Variants in KRT82 observed in about 807,000 individuals in gnomAD.
KRT82 encodes keratin 82, also known as keratin, type II cuticular Hb2.
KRT82 carries 44 observed loss-of-function variants against 48.0 expected under a neutral mutation model. The observed-to-expected ratio is 0.92, with a 90% confidence interval of 0.72 to 1.18. KRT82 has a LOEUF of 1.18. KRT82 is among the 50% of genes most tolerant of loss of function. The pLI, the probability that KRT82 is intolerant of heterozygous loss-of-function variation, is 0.00. For missense variants in KRT82, 701 were observed against 671.4 expected, an observed-to-expected ratio of 1.04 and a Z score of -0.49; for synonymous variants, 297 against 278.3, an observed-to-expected ratio of 1.07 and a Z score of -0.67.
At chr12:52,397,664 A>G (rs577466910) in intron 5 of KRT82, among the ~76,000 whole-genome samples, 1 of 152,354 alleles carries the variant, frequency 6.6e-6, no homozygotes, top group Admixed American at 6.5e-5. Context: ...AGAGATAAGC[A>G]CATAATCACA....
chr12:52,401,449 T>A, intron 2 of KRT82, 100 bp from the exon 3 acceptor site: 1 of 1,182,056 alleles, frequency 8.5e-7, no homozygotes, highest in East Asian at 2.4e-5. Context: ...TGTCACTGAC[T>A]GAATGCCCTG....
chr12:52,405,916 T>C lies in KRT82; in HGVS notation c.362A>G (p.Lys121Arg). The C allele has an allele frequency of 6.2e-7, 1 of 1,614,124 alleles. No individual in the cohort carries two copies. The highest frequency in any genetic ancestry group is 8.5e-7 in the Non-Finnish European group (1 of 1,180,000). The change falls in exon 1 of 9, where the codon AAG (lysine) becomes AGG (arginine). Residue 121 changes from lysine (K) to arginine (R), a missense_variant. By Grantham distance (26) the Lys-to-Arg change is conservative (BLOSUM62 2). Transcript: ENST00000257974. Reference sequence around the variant, plus strand: ...GTTGTTGAGGCACTTGATCTGCTCCTTCTCATCCCTCTTTACCCTCTGCAC... The same window carrying C: ...GTTGTTGAGGCACTTGATCTGCTCCCTCTCATCCCTCTTTACCCTCTGCAC... Reference protein sequence around the residue: ...PTVQRVKRDEKEQIKCLNNRF... With the variant: ...PTVQRVKRDEREQIKCLNNRF...
rs143399825 is a variant in KRT82 at position 52,405,891 on chromosome 12, G to T, written c.387C>A (p.Asn129Lys). 6,968 of 1,613,246 alleles carry T rather than the reference G, an allele frequency of 4.3e-3. 20 individuals carry two copies. Among genetic ancestry groups the T allele is most frequent in the Non-Finnish European group, 5.2e-3 (6,107 of 1,179,368 alleles). Residue 129 changes from asparagine (N) to lysine (K), a missense_variant, in exon 1 of 9, where the codon AAC (asparagine) becomes AAA (lysine). By Grantham distance (94) the Asn-to-Lys change is moderately conservative. Transcript: ENST00000257974. ...CCTTGTTGATGAAAGATGCGAAACG[G>T]TTGTTGAGGCACTTGATCTGCTCCT... is the stretch of plus-strand genomic sequence containing the variant. Reference protein sequence around the residue: ...DEKEQIKCLNNRFASFINKVR... With the variant: ...DEKEQIKCLNKRFASFINKVR...
intron 6 of KRT82, among the ~76,000 whole-genome samples, chr12:52,396,639 G>C (rs1247972587): frequency 6.6e-6 from 1 of 152,180 alleles, no homozygotes; most frequent in African/African-American, 2.4e-5. Context: ...AAGCATCCTT[G>C]CTTCTCATCT....
intron 7 of KRT82, 64 bp downstream of exon 7, chr12:52,395,948 C>T: frequency 6.2e-7 from 1 of 1,600,760 alleles, no homozygotes; most frequent in Non-Finnish European, 8.5e-7. Flanking sequence ...GCAGCCGCCA[C>T]CAGAGGGCTG....
chr12:52,400,703 C>T (rs1272950112), intron 3 of KRT82, 81 bp from the exon 4 acceptor site: 11 of 925,068 alleles, frequency 1.2e-5, no homozygotes, highest in Non-Finnish European at 1.8e-5. Flanking sequence ...GCGTGGGGCT[C>T]ACCTTTCCTC....
Position 52,396,933 on chromosome 12 carries a change from T to G in KRT82, c.1018A>C (p.Asn340His). The G allele has an allele frequency of 6.2e-7, 1 of 1,614,168 alleles. No homozygotes were observed. Among genetic ancestry groups the G allele is most frequent in the South Asian group, 1.1e-5 (1 of 91,072 alleles). ...TGCTGCAGCCGCTGGATCAGTTTAT[T>G]CATTTCCAGGATCTCGTTCTTACGG... The part of the protein sequence containing the change: ...RNRKNEILEM[N>H]KLIQRLQQET... Residue 340 changes from asparagine (N) to histidine (H), a missense_variant, in exon 6 of 9, where the codon AAT becomes CAT. By Grantham distance (68) the Asn-to-His change is moderately conservative. Transcript: ENST00000257974.
At chr12:52,397,208 C>T (rs895407629) in intron 5 of KRT82, among the ~76,000 whole-genome samples, 200 bp from the exon 6 acceptor site, 4 of 152,226 alleles carry the variant, frequency 2.6e-5, no homozygotes, top group African/African-American at 9.6e-5. Context: ...ATTCCCATCT[C>T]ACCCCATCCC....
chr12:52,401,594 G>A (rs559302193), intron 2 of KRT82, among the ~76,000 whole-genome samples: 27 of 152,284 alleles, frequency 1.8e-4, no homozygotes, highest in Non-Finnish European at 3.5e-4. Flanking sequence ...TCCTCCCTGG[G>A]AGATCCTCCT....
chr12:52,405,796 T>A, intron 1 of KRT82, 71 bp downstream of exon 1: 1 of 1,472,166 alleles, frequency 6.8e-7, no homozygotes, highest in Non-Finnish European at 9.1e-7. Flanking sequence ...CTGGTTCCCT[T>A]GGACCAGAAC....
At position 52,400,161 on chromosome 12, in the gene KRT82, G is replaced by A. The variant is rs1212263375; in HGVS notation, c.778-12C>T. The A allele has an allele frequency of 6.2e-7, 1 of 1,608,588 alleles. No homozygotes were observed. The highest frequency in any genetic ancestry group is 1.1e-5 in the South Asian group (1 of 90,652). ...AGCAGGCAGATCTCCTGGGGGCAGG[G>A]CCCATGTGAGAAGGAGTGAGCTCTC... On this transcript the variant is annotated splice_polypyrimidine_tract_variant and intron_variant, in intron 4 of 8. Coordinates refer to ENST00000257974, the MANE Select transcript of KRT82 (RefSeq NM_033033.4).
intron 2 of KRT82, 49 bp downstream of exon 2, chr12:52,403,652 T>C: frequency 2.6e-6 from 3 of 1,172,812 alleles, no homozygotes; most frequent in Non-Finnish European, 2.5e-6. Context: ...AGACTGTTTC[T>C]GTCCCTTGCC....
chr12:52,401,492 C>G (rs920029538), intron 2 of KRT82, 143 bp from the exon 3 acceptor site: 105 of 693,150 alleles, frequency 1.5e-4, no homozygotes, highest in Middle Eastern at 4.9e-4. Context: ...GTCTTGGCAA[C>G]TCTAGCTCCT....
At chr12:52,404,217 G>C (rs191006440) in intron 1 of KRT82, among the ~76,000 whole-genome samples, 1 of 152,088 alleles carries the variant, frequency 6.6e-6, no homozygotes, top group Admixed American at 6.5e-5. Flanking sequence ...CTCTATCCTC[G>C]TGACCTTGAC....
Position 52,396,969 on chromosome 12 carries a change from T to C in KRT82, c.982A>G (p.Asn328Asp), listed in dbSNP as rs1328277934. Residue 328 changes from asparagine (N) to aspartate (D), a missense_variant, in exon 6 of 9, where the codon AAC (asparagine) becomes GAC (aspartate). Physicochemically the swap from Asn to Asp is conservative, Grantham distance 23. Coordinates refer to ENST00000257974, the MANE Select transcript of KRT82 (RefSeq NM_033033.4). The part of the protein sequence containing the change: ...LRVTAGNHCD[N>D]LRNRKNEILE... Reference sequence around the variant, plus strand: ...ATCTCGTTCTTACGGTTGCGGAGGTTGTCACAGTGGTTCCCAGCTGTGACT... The same window carrying C: ...ATCTCGTTCTTACGGTTGCGGAGGTCGTCACAGTGGTTCCCAGCTGTGACT... 6.2e-7 allele frequency: 1 copy of C among 1,614,048 alleles called. No homozygotes were observed. Among genetic ancestry groups the C allele is most frequent in the Non-Finnish European group, 8.5e-7 (1 of 1,180,012 alleles).
At chr12:52,402,901 A>G (rs1190440500) in intron 2 of KRT82, among the ~76,000 whole-genome samples, 1 of 152,136 alleles carries the variant, frequency 6.6e-6, no homozygotes, top group Non-Finnish European at 1.5e-5. Context: ...CCTGCCTCTA[A>G]CATGCACTCC....
intron 1 of KRT82, among the ~76,000 whole-genome samples, chr12:52,404,271 T>C (rs1939825110): frequency 6.6e-6 from 1 of 152,158 alleles, no homozygotes; most frequent in South Asian, 2.1e-4. Context: ...TTCCCAAAGC[T>C]CCTACCTGGG....
rs767401050 is a variant in KRT82 at position 52,399,992 on chromosome 12, T to C, written c.935A>G (p.Gln312Arg). ...RSKAEAEAWY[Q>R]CRYEELRVTA... ...CCAACCACAGGGCCTCACCCGGCAC[T>C]GGTACCAGGCCTCTGCTTCGGCTTT... Residue 312 changes from glutamine to arginine, a missense_variant, in exon 5 of 9, where the codon CAG becomes CGG. Coordinates refer to ENST00000257974, the MANE Select transcript of KRT82 (RefSeq NM_033033.4). The C allele has an allele frequency of 8.1e-6, 13 of 1,613,396 alleles. No individual in the cohort carries two copies. In the South Asian group the frequency reaches 1.4e-4, roughly 18 times the overall value.
intron 4 of KRT82, 26 bp downstream of exon 4, chr12:52,400,501 C>A (rs1479351944): frequency 6.4e-7 from 1 of 1,564,656 alleles, no homozygotes; most frequent in South Asian, 1.1e-5. Context: ...CCCTGACTAA[C>A]CACCCAAGGT....
Sources: allele counts gnomAD v4.1 joint callset (sites outside exome capture counted in the v4.1 genomes callset), GRCh38; gene constraint gnomAD v4.1.1; transcripts MANE v1.5; gene names NCBI Gene and HGNC (gene_info 2026-07-23, HGNC 2026-07-21).